The following MTSS1 variants were observed in gnomAD, a reference collection of about 807,000 sequenced individuals.
The protein encoded by MTSS1 is protein MTSS 1.
MTSS1 carries 18 observed loss-of-function variants against 79.0 expected under a neutral mutation model. The ratio of observed to expected loss-of-function variants is 0.23; its 90% CI spans 0.16 to 0.34. The LOEUF is 0.34. MTSS1 is among the 10% of genes least tolerant of loss of function. The probability of loss-of-function intolerance (pLI) is 1.00; values close to 1 mark genes in which losing one functional copy is unlikely to be tolerated. For missense variants in MTSS1, 815 were observed against 986.2 expected (o/e 0.83, Z 2.33); for synonymous variants, 341 against 368.6 (o/e 0.93, Z 0.86).
chr8:124,637,000 G>A (rs774604966), intron 3 of MTSS1, among the ~76,000 whole-genome samples: 2 of 152,158 alleles, frequency 1.3e-5, no homozygotes, highest in South Asian at 2.1e-4. Context: ...AGATGGCTAC[G>A]GAAGGAATTA....
chr8:124,569,817 G>A (rs1489785847), intron 6 of MTSS1, among the ~76,000 whole-genome samples: 1 of 152,204 alleles, frequency 6.6e-6, no homozygotes, highest in Non-Finnish European at 1.5e-5. Flanking sequence ...AAGTCCTAGA[G>A]AAGTCAAGGG....
At chr8:124,665,228 T>C (rs3116116) in intron 3 of MTSS1, among the ~76,000 whole-genome samples, 44 of 152,368 alleles carry the variant, frequency 2.9e-4, no homozygotes, top group South Asian at 2.7e-3. Flanking sequence ...AGTCCTGCTG[T>C]GTCCAAGACA....
chr8:124,662,677 C>T (rs912735947), intron 3 of MTSS1, among the ~76,000 whole-genome samples: 6 of 146,756 alleles, frequency 4.1e-5, no homozygotes, highest in African/African-American at 7.6e-5. Flanking sequence ...AGAGAGTAAA[C>T]GAAAGCTATT....
At chr8:124,632,192 T>A (rs1255518522) in intron 3 of MTSS1, among the ~76,000 whole-genome samples, 1 of 147,870 alleles carries the variant, frequency 6.8e-6, no homozygotes, top group Admixed American at 6.9e-5. Flanking sequence ...GGCAGGAGGA[T>A]CCCTTGAGCT....
At chr8:124,725,001 G>A (rs1833483846) in intron 1 of MTSS1, among the ~76,000 whole-genome samples, 1 of 152,146 alleles carries the variant, frequency 6.6e-6, no homozygotes, top group South Asian at 2.1e-4. Context: ...ATGGATGGGA[G>A]GAAAGGCAGC....
chr8:124,674,587 GC>G (rs1386607920), intron 3 of MTSS1, among the ~76,000 whole-genome samples: 5 of 151,960 alleles, frequency 3.3e-5, no homozygotes, highest in African/African-American at 9.7e-5. Flanking sequence ...GCAGGGATCC[GC>G]CCCCCTCGGC....
intron 3 of MTSS1, among the ~76,000 whole-genome samples, chr8:124,594,360 A>G (rs1185100075): frequency 6.6e-6 from 1 of 152,078 alleles, no homozygotes; most frequent in African/African-American, 2.4e-5. Context: ...ATGAAACCTC[A>G]TCTCTACTAA....
At chr8:124,621,839 A>G (rs2382633) in intron 3 of MTSS1, among the ~76,000 whole-genome samples, 75,906 of 151,960 alleles carry the variant, frequency 0.5, 20,558 homozygotes, top group African/African-American at 0.71. Context: ...GTGATCCACC[A>G]CGCCCAGCCC....
rs950441780 is a variant in MTSS1, at chr8:124,589,517, TTG to T, written c.385+101_385+102del. Reference sequence around the variant, plus strand: ...GGGACAGAGTGGGCCCTTGGCTGTTTTGGTGACACCAATAAACCTAGCAGAGG... The same window carrying T: ...GGGACAGAGTGGGCCCTTGGCTGTTTGTGACACCAATAAACCTAGCAGAGG... On this transcript the variant is annotated intron_variant, in intron 5 of 13. Transcript: ENST00000518547. 12 of 843,120 alleles carry T rather than the reference TTG, an allele frequency of 1.4e-5. No homozygotes were observed. The African/African-American group carries it at 2.1e-4, about 15-fold the overall frequency. The allele number at this position is 843,120 out of a possible 1,614,324, so 52.2% of individuals were successfully genotyped here.
intron 3 of MTSS1, among the ~76,000 whole-genome samples, chr8:124,659,275 G>C (rs750871772): frequency 5.3e-5 from 8 of 152,054 alleles, no homozygotes; most frequent in Non-Finnish European, 1.2e-4. Flanking sequence ...ATAGCTAAAT[G>C]GTATCAATTA....
Position 124,569,629 on chromosome 8 carries a change from A to C in MTSS1, c.461-1093T>G, listed in dbSNP as rs559012317. Among the ~76,000 whole-genome samples the C allele has an allele frequency of 8.2e-4, 125 of 152,378 alleles. 1 individual carries two copies. The highest frequency in any genetic ancestry group is 3.4e-3 in the Middle Eastern group (1 of 294). ...TACCTATCACTCAAACCAGAGAGATACTTCCTAAACTTCTTCAGGGCAGGA... is the reference window on the plus strand; with the variant it reads ...TACCTATCACTCAAACCAGAGAGATCCTTCCTAAACTTCTTCAGGGCAGGA... On this transcript the variant is annotated intron_variant, in intron 6 of 13. Transcript: ENST00000518547.
In MTSS1 at chr8:124,602,944, G is replaced by A. The variant is rs139128772; in HGVS notation, c.209-11709C>T. Among the ~76,000 whole-genome samples the A allele has an allele frequency of 2.3e-3, 356 of 152,304 alleles. 4 individuals are homozygous for A. The highest frequency in any genetic ancestry group is 6.1e-3 in the African/African-American group (253 of 41,572). On this transcript the variant is annotated intron_variant, in intron 3 of 13. Transcript: ENST00000518547. The stretch of plus-strand genomic sequence containing the variant: ...CTCCTGTAATTGGAAATGACGGATC[G>A]TCATGGTAACCTTAGAGCTGGAAGG...
At position 124,727,195 on chromosome 8, in the gene MTSS1, C is replaced by A. The variant is rs1254729425; in HGVS notation, c.72+689G>T. Among the ~76,000 whole-genome samples, 1 of 152,224 alleles carries A rather than the reference C, an allele frequency of 6.6e-6. No individual in the cohort carries two copies. Among genetic ancestry groups the A allele is most frequent in the Non-Finnish European group, 1.5e-5 (1 of 68,034 alleles). On this transcript the variant is annotated intron_variant, in intron 1 of 13. Coordinates refer to ENST00000518547, the MANE Select transcript of MTSS1 (RefSeq NM_014751.6). This position sits in a 1 kb window ranked among gnomAD's most constrained non-coding sequence, Gnocchi z 4.7. ...CGTTTGGGTCTGGGAGGGCAGGATA[C>A]AGTTATTTCGGGGGCCCCAATCTTG...
intron 6 of MTSS1, among the ~76,000 whole-genome samples, chr8:124,583,852 C>T (rs1830438663): frequency 1.3e-5 from 2 of 152,230 alleles, no homozygotes; most frequent in South Asian, 2.1e-4. Flanking sequence ...CTTACCTCTA[C>T]AGTCACTAAA....
Position 124,557,866 on chromosome 8 carries a change from C to G in MTSS1, c.1045G>C (p.Gly349Arg), listed in dbSNP as rs1483756882. 2 of 1,579,088 alleles carry G rather than the reference C, an allele frequency of 1.3e-6. No homozygotes were observed. The highest frequency in any genetic ancestry group is 1.8e-5 in the Admixed American group (1 of 55,894). Reference protein sequence around the residue: ...PPEAPNQLSNGFSHYSLSSES... With the variant: ...PPEAPNQLSNRFSHYSLSSES... Reference sequence around the variant, plus strand: ...CTTGATAAACTATAGTGAGAAAACCCGTTAGACAACTGGAAACAAACAAAA... The same window carrying G: ...CTTGATAAACTATAGTGAGAAAACCGGTTAGACAACTGGAAACAAACAAAA... The change falls in exon 11 of 14, where the codon GGG becomes CGG. Residue 349 changes from glycine to arginine, a missense_variant. Coordinates refer to ENST00000518547, the MANE Select transcript of MTSS1 (RefSeq NM_014751.6).
At chr8:124,669,070 G>C (rs1386220957) in intron 3 of MTSS1, among the ~76,000 whole-genome samples, 9 of 152,138 alleles carry the variant, frequency 5.9e-5, no homozygotes, top group African/African-American at 2.2e-4. Context: ...TTGAGGTGCT[G>C]AGCAAAAGAT....
At chr8:124,632,223 G>A (rs113493071) in intron 3 of MTSS1, among the ~76,000 whole-genome samples, 4,154 of 140,080 alleles carry the variant, frequency 0.03, 172 homozygotes, top group African/African-American at 0.11. Context: ...AGGATTCAGT[G>A]AACTATGACC....
Position 124,556,322 on chromosome 8 carries a change from G to A in MTSS1, c.1314C>T (p.Asn438=), listed in dbSNP as rs756122618. 45 of 1,614,096 alleles carry A rather than the reference G, an allele frequency of 2.8e-5. 1 individual carries two copies. The highest frequency in any genetic ancestry group is 3.3e-4 in the Middle Eastern group (2 of 6,084). The change falls in exon 12 of 14, where the codon AAC becomes AAT. Residue 438 remains asparagine (N), a synonymous_variant. Coordinates refer to ENST00000518547, the MANE Select transcript of MTSS1 (RefSeq NM_014751.6). ...RRKEKREPDP[N]GGGPTTASGP... ...CGCTGGCGGTAGTGGGTCCTCCCCC[G>A]TTGGGGTCCGGTTCTCGCTTCTCTT...
chr8:124,672,861 GCA>G (rs572736264), intron 3 of MTSS1, among the ~76,000 whole-genome samples: 47 of 149,024 alleles, frequency 3.2e-4, no homozygotes, highest in South Asian at 2.3e-3. Flanking sequence ...ACACACATAT[GCA>G]CACACACACA....
Sources: allele counts gnomAD v4.1 joint callset (sites outside exome capture counted in the v4.1 genomes callset), GRCh38; gene constraint gnomAD v4.1.1; non-coding constraint Gnocchi (gnomAD v3.1); transcripts MANE v1.5; gene names NCBI Gene and HGNC (gene_info 2026-07-23, HGNC 2026-07-21).